The following DMD variants were observed in gnomAD, a reference collection of about 807,000 sequenced individuals.
The protein encoded by DMD is dystrophin, also known as mutant dystrophin.
Under a neutral mutation model 330.1 loss-of-function variants are expected in DMD, and 63 were observed. The ratio of observed to expected loss-of-function variants is 0.19; its 90% CI spans 0.16 to 0.24. The LOEUF is 0.24. Among genes scored for constraint, DMD ranks in the 10% least tolerant of loss-of-function variants. The pLI is 1.00. For synonymous variants in DMD, 1,223 were observed against 959.8 expected, an observed-to-expected ratio of 1.27 and a Z score of -5.07; for missense variants, 3,344 against 2,684.1, an observed-to-expected ratio of 1.25 and a Z score of -5.43.
At chrX:32,815,520 T>TATATATATATAATATATATAC in intron 6 of DMD, among the ~76,000 whole-genome samples, 13 of 78,959 alleles carry the variant, frequency 1.6e-4, no homozygotes, top group African/African-American at 6.4e-4. Context: ...TATATATATA[T>TATATATATATAATATATATAC]ACACACACAC....
At chrX:32,508,796 G>C (rs2044917900) in intron 18 of DMD, among the ~76,000 whole-genome samples, 1 of 110,528 alleles carries the variant, frequency 9.0e-6, no homozygotes, top group Non-Finnish European at 1.9e-5. Context: ...ATCTTAAAAA[G>C]AAATTTAGGA....
intron 2 of DMD, among the ~76,000 whole-genome samples, chrX:32,918,568 C>T (rs779947245): frequency 9.0e-6 from 1 of 111,273 alleles, no homozygotes; most frequent in Admixed American, 9.7e-5. Flanking sequence ...CCAGGCTGGT[C>T]TCGAACTCCT....
At chrX:32,664,601 G>C (rs774744787) in intron 9 of DMD, among the ~76,000 whole-genome samples, 38 of 112,013 alleles carry the variant, frequency 3.4e-4, no homozygotes, top group African/African-American at 1.1e-3. Context: ...GACTAAGTTT[G>C]ACTCAAAGAT....
intron 1 of DMD, among the ~76,000 whole-genome samples, chrX:33,231,522 T>C (rs1389354068): frequency 8.9e-6 from 1 of 112,037 alleles, no homozygotes; most frequent in Non-Finnish European, 1.9e-5. Context: ...CTTATCTCCC[T>C]TTATCAGCCA....
At chrX:31,961,419 T>G (rs1217722220) in intron 45 of DMD, among the ~76,000 whole-genome samples, 1 of 112,212 alleles carries the variant, frequency 8.9e-6, no homozygotes, top group Admixed American at 9.5e-5. Context: ...AAGTACTTAC[T>G]GGCCATCTAC....
chrX:31,536,400 G>A (rs1460086717), intron 55 of DMD, among the ~76,000 whole-genome samples: 1 of 111,552 alleles, frequency 9.0e-6, no homozygotes, highest in Non-Finnish European at 1.9e-5. Context: ...AAAAGAGGTA[G>A]AAATAAGAAG....
At chrX:32,672,542 A>G (rs1014514412) in intron 9 of DMD, among the ~76,000 whole-genome samples, 1 of 110,677 alleles carries the variant, frequency 9.0e-6, no homozygotes, top group African/African-American at 3.3e-5. Flanking sequence ...CACCTCCCCA[A>G]TCCCATGCAT....
intron 2 of DMD, among the ~76,000 whole-genome samples, chrX:32,933,729 C>G: frequency 9.0e-6 from 1 of 111,674 alleles, no homozygotes; most frequent in Non-Finnish European, 1.9e-5. Flanking sequence ...GAGGCAGTGA[C>G]GAGAGTGTTA....
At chrX:31,386,941 A>T (rs2060473638) in intron 60 of DMD, among the ~76,000 whole-genome samples, 1 of 111,514 alleles carries the variant, frequency 9.0e-6, no homozygotes, top group African/African-American at 3.3e-5. Flanking sequence ...CACAACTAAC[A>T]TGACCACCTT....
intron 13 of DMD, among the ~76,000 whole-genome samples, chrX:32,582,802 T>G (rs1259392282): frequency 8.9e-6 from 1 of 111,954 alleles, no homozygotes; most frequent in Admixed American, 9.5e-5. Context: ...AGCGCTTACT[T>G]TAGGGAAACT....
intron 44 of DMD, among the ~76,000 whole-genome samples, chrX:32,056,390 TAAA>T (rs34726053): frequency 0.14 from 6,740 of 47,374 alleles, 269 homozygotes; most frequent in Admixed American, 0.22. Context: ...GTAGATTAAG[TAAA>T]AAAAAAAAAA....
chrX:32,223,245 A>G (rs1175438783), intron 43 of DMD, among the ~76,000 whole-genome samples: 3 of 111,700 alleles, frequency 2.7e-5, no homozygotes, highest in Non-Finnish European at 5.6e-5. Flanking sequence ...TTCCTGCTGT[A>G]TCTTCACAAG....
chrX:31,988,787 G>GTCTCTC (rs754549321), intron 44 of DMD, among the ~76,000 whole-genome samples: 1 of 106,729 alleles, frequency 9.4e-6, no homozygotes, highest in Non-Finnish European at 1.9e-5. Flanking sequence ...TTCTCTCTCT[G>GTCTCTC]TCTCTCTCTC....
Position 33,001,336 on chromosome X carries a change from T to C in DMD, c.93+18803A>G, listed in dbSNP as rs975682909. Among the ~76,000 whole-genome samples, 6 of 112,002 alleles carry C rather than the reference T, an allele frequency of 5.4e-5. No individual in the cohort carries two copies. The East Asian group carries it at 1.7e-3, about 31-fold the overall frequency. On this transcript the variant is annotated intron_variant, in intron 2 of 78. Transcript: ENST00000357033. ...CAGGGACTGTGGTGATTTTGCAATG[T>C]CTGTGAATTGCCCAGGGCTTCAGTG...
chrX:31,295,291 G>A (rs957953486), intron 62 of DMD, among the ~76,000 whole-genome samples: 6 of 111,275 alleles, frequency 5.4e-5, no homozygotes, highest in African/African-American at 9.8e-5. Context: ...CACCGCGCCC[G>A]GCCGTAGGTT....
chrX:31,639,990 C>T (rs1369476527), intron 54 of DMD, among the ~76,000 whole-genome samples: 1 of 110,898 alleles, frequency 9.0e-6, no homozygotes, highest in African/African-American at 3.3e-5. Context: ...TGTGTCCCCT[C>T]CCTGTGCATC....
At chrX:32,287,811 CTTAATTA>C (rs2097449093) in intron 42 of DMD, 110 bp from the exon 43 acceptor site, 1 of 533,582 alleles carries the variant, frequency 1.9e-6, no homozygotes, top group East Asian at 4.1e-5. Flanking sequence ...TGTTGCAATT[CTTAATTA>C]TTGACTTTTT....
chrX:31,929,446 C>T (rs1425267055), intron 47 of DMD, 150 bp downstream of exon 47: 1 of 677,264 alleles, frequency 1.5e-6, no homozygotes, highest in Non-Finnish European at 2.3e-6. Context: ...AACATATAGC[C>T]AAAGCAAACG....
chrX:31,559,714 G>T, intron 55 of DMD, among the ~76,000 whole-genome samples: 1 of 103,459 alleles, frequency 9.7e-6, no homozygotes, highest in African/African-American at 3.5e-5. Flanking sequence ...GCATCATCAT[G>T]AACCTCTTAC....
Sources: allele counts gnomAD v4.1 joint callset (sites outside exome capture counted in the v4.1 genomes callset), GRCh38; gene constraint gnomAD v4.1.1; transcripts MANE v1.5; gene names NCBI Gene and HGNC (gene_info 2026-07-23, HGNC 2026-07-21).